FAT3: variants seen among roughly 807,000 people sequenced by gnomAD.
FAT3 encodes protocadherin Fat 3.
A neutral mutation model predicts 310.2 loss-of-function variants in FAT3; 95 were observed. The ratio of observed to expected loss-of-function variants is 0.31; its 90% CI spans 0.26 to 0.36. The LOEUF is 0.36. FAT3 is among the 10% of genes least tolerant of loss of function. The pLI, the probability that FAT3 is intolerant of heterozygous loss-of-function variation, is 1.00. For synonymous variants in FAT3, 2,314 were observed against 2,192.9 expected (o/e 1.06, Z -1.54); for missense variants, 5,408 against 5,715.6 (o/e 0.95, Z 1.74).
chr11:92,370,620 A>G (rs1315813408), intron 2 of FAT3, among the ~76,000 whole-genome samples: 4 of 152,242 alleles, frequency 2.6e-5, no homozygotes, highest in East Asian at 1.9e-4. Context: ...ATTTTATACA[A>G]TACTGCTTTA....
chr11:92,479,155 C>T (rs914118376), intron 2 of FAT3, among the ~76,000 whole-genome samples: 8 of 150,140 alleles, frequency 5.3e-5, no homozygotes, highest in African/African-American at 2.0e-4. Flanking sequence ...GTGTGTATCA[C>T]CACGGCCAGC....
intron 2 of FAT3, among the ~76,000 whole-genome samples, chr11:92,467,837 C>A (rs1272803760): frequency 6.6e-6 from 1 of 152,180 alleles, no homozygotes; most frequent in Non-Finnish European, 1.5e-5. Context: ...TAACTTCCTT[C>A]TTCTATCCTG....
chr11:92,581,475 G>A (rs1591481400), intron 3 of FAT3, among the ~76,000 whole-genome samples: 2 of 151,806 alleles, frequency 1.3e-5, no homozygotes, highest in African/African-American at 4.8e-5. Flanking sequence ...GTTCCTTTAG[G>A]TCCTACTTCA....
intron 1 of FAT3, among the ~76,000 whole-genome samples, chr11:92,229,514 G>GTTT (rs1241053262): frequency 5.1e-5 from 3 of 59,320 alleles, no homozygotes; most frequent in Non-Finnish European, 9.1e-5. Context: ...TTTGTTTTTT[G>GTTT]TTTTTTTTTA....
At chr11:92,350,505 A>G (rs571013453) in intron 1 of FAT3, among the ~76,000 whole-genome samples, 2 of 152,282 alleles carry the variant, frequency 1.3e-5, no homozygotes, top group East Asian at 3.9e-4. Flanking sequence ...AAATTATGTC[A>G]TATATGCTTC....
chr11:92,496,763 C>T (rs1316397572), intron 2 of FAT3, among the ~76,000 whole-genome samples: 2 of 151,910 alleles, frequency 1.3e-5, no homozygotes, highest in African/African-American at 4.8e-5. Flanking sequence ...TTGCAAATCA[C>T]TTTAGGAAAG....
intron 2 of FAT3, among the ~76,000 whole-genome samples, chr11:92,415,708 G>A (rs372353192): frequency 1.6e-4 from 24 of 152,202 alleles, no homozygotes; most frequent in African/African-American, 5.3e-4. Context: ...TAATTTTGCA[G>A]GGTTTCCCTG....
intron 2 of FAT3, among the ~76,000 whole-genome samples, chr11:92,458,313 A>C (rs1951550635): frequency 6.6e-6 from 1 of 152,204 alleles, no homozygotes; most frequent in Non-Finnish European, 1.5e-5. Flanking sequence ...ATTTGGAAGC[A>C]GTGTTTCCTC....
At chr11:92,368,911 TACACATATATATATAC>T (rs1949104896) in intron 2 of FAT3, among the ~76,000 whole-genome samples, 1 of 124,450 alleles carries the variant, frequency 8.0e-6, no homozygotes, top group South Asian at 2.2e-4. Context: ...CATATATATA[TACACATATATATATAC>T]ACACATATAT....
At chr11:92,288,572 G>A (rs1946614973) in intron 1 of FAT3, among the ~76,000 whole-genome samples, 1 of 152,020 alleles carries the variant, frequency 6.6e-6, no homozygotes, top group Admixed American at 6.6e-5. Context: ...CTGGAATACG[G>A]CAGTGTGTAA....
intron 2 of FAT3, among the ~76,000 whole-genome samples, chr11:92,442,593 A>G (rs1242949095): frequency 6.6e-6 from 1 of 152,186 alleles, no homozygotes; most frequent in African/African-American, 2.4e-5. Context: ...TCAGGCACAG[A>G]CACCAAGAGT....
intron 4 of FAT3, among the ~76,000 whole-genome samples, chr11:92,727,526 TA>T (rs1945035125): frequency 6.6e-6 from 1 of 152,136 alleles, no homozygotes; most frequent in South Asian, 2.1e-4. Flanking sequence ...GATTTGTAAT[TA>T]AAAATTATAT....
chr11:92,761,543 T>C (rs1183402801), intron 4 of FAT3, among the ~76,000 whole-genome samples: 1 of 152,196 alleles, frequency 6.6e-6, no homozygotes, highest in East Asian at 1.9e-4. Flanking sequence ...TGTGTTCACA[T>C]GGCAGAGAGA....
intron 3 of FAT3, among the ~76,000 whole-genome samples, chr11:92,628,375 TTTTCC>T (rs773960461): frequency 1.3e-4 from 20 of 152,230 alleles, no homozygotes; most frequent in Non-Finnish European, 1.8e-4. Flanking sequence ...GTTCTTCGTG[TTTTCC>T]TAAAGTGGAG....
intron 1 of FAT3, among the ~76,000 whole-genome samples, chr11:92,267,357 G>A (rs1435480056): frequency 6.6e-6 from 1 of 152,014 alleles, no homozygotes; most frequent in Non-Finnish European, 1.5e-5. Flanking sequence ...ATCTAATTAG[G>A]TAATTAGTTC....
chr11:92,782,902 T>C (rs1946789815), intron 7 of FAT3, among the ~76,000 whole-genome samples: 1 of 152,216 alleles, frequency 6.6e-6, no homozygotes, highest in Non-Finnish European at 1.5e-5. Context: ...CTTTGTTTTA[T>C]GGCCTCCCTT....
intron 3 of FAT3, among the ~76,000 whole-genome samples, chr11:92,670,611 G>T (rs1943098397): frequency 6.6e-6 from 1 of 152,200 alleles, no homozygotes; most frequent in Non-Finnish European, 1.5e-5. Flanking sequence ...ATTGGGGCCA[G>T]ACTTTTTCAT....
Position 92,316,391 on chromosome 11 carries a change from G to T in FAT3, c.-17-35705G>T, listed in dbSNP as rs904010921. Among the ~76,000 whole-genome samples, 4 of 152,094 alleles carry T rather than the reference G, an allele frequency of 2.6e-5. No individual in the cohort carries two copies. In the South Asian group the frequency reaches 6.2e-4, roughly 24 times the overall value. ...GTTGTTGAAGAAATATATACAAAAT[G>T]CATATTTAACAGTTGCTTTGATTAA... On this transcript the variant is annotated intron_variant, in intron 1 of 27. Transcript: ENST00000525166.
intron 1 of FAT3, among the ~76,000 whole-genome samples, chr11:92,246,660 T>A (rs1197244729): frequency 1.3e-5 from 2 of 151,974 alleles, no homozygotes; most frequent in East Asian, 3.9e-4. Context: ...AGGAAATTGA[T>A]GAAGGTTTGG....
Sources: allele counts gnomAD v4.1 joint callset (sites outside exome capture counted in the v4.1 genomes callset), GRCh38; gene constraint gnomAD v4.1.1; transcripts MANE v1.5; gene names NCBI Gene and HGNC (gene_info 2026-07-23, HGNC 2026-07-21).